KALRN: variants seen among roughly 807,000 people sequenced by gnomAD.
The protein encoded by KALRN is kalirin.
KALRN carries 70 observed loss-of-function variants against 353.7 expected under a neutral mutation model. The observed-to-expected ratio is 0.20, with a 90% confidence interval of 0.16 to 0.24. The LOEUF (loss-of-function observed/expected upper bound fraction) is 0.24. Ranked by LOEUF, KALRN falls within the 10% of genes least tolerant of loss-of-function variation. The probability of loss-of-function intolerance (pLI) is 1.00; values close to 1 mark genes in which losing one functional copy is unlikely to be tolerated. For synonymous variants in KALRN, 1,391 were observed against 1,434.8 expected, an observed-to-expected ratio of 0.97 and a Z score of 0.69; for missense variants, 2,791 against 3,756.7, an observed-to-expected ratio of 0.74 and a Z score of 6.72.
chr3:124,638,153 T>C (rs1289978677), intron 37 of KALRN, among the ~76,000 whole-genome samples: 1 of 152,206 alleles, frequency 6.6e-6, no homozygotes, highest in Non-Finnish European at 1.5e-5. Context: ...AGACTTCTAT[T>C]GGGCAGTCTT....
intron 34 of KALRN, among the ~76,000 whole-genome samples, chr3:124,609,465 A>G (rs768048381): frequency 7.2e-5 from 11 of 152,342 alleles, no homozygotes; most frequent in Middle Eastern, 3.4e-3. Context: ...AGACACACCT[A>G]TGAGTGTATA....
At chr3:124,179,625 T>A (rs72972696) in intron 1 of KALRN, among the ~76,000 whole-genome samples, 2,569 of 152,276 alleles carry the variant, frequency 0.017, 60 homozygotes, top group African/African-American at 0.057. Context: ...CAACTGGGAG[T>A]GCAGGTTTCT....
intron 19 of KALRN, among the ~76,000 whole-genome samples, chr3:124,443,456 A>G (rs1420426435): frequency 6.6e-6 from 1 of 152,192 alleles, no homozygotes; most frequent in Non-Finnish European, 1.5e-5. Flanking sequence ...AACAGAGACC[A>G]CTGGAAAGAA....
At chr3:124,419,138 A>G (rs370256774) in intron 14 of KALRN, among the ~76,000 whole-genome samples, 48 of 152,078 alleles carry the variant, frequency 3.2e-4, no homozygotes, top group African/African-American at 1.2e-3. Context: ...GTCTAACAGC[A>G]TTAAAGCCAC....
chr3:124,116,938 T>A (rs774964479), intron 1 of KALRN, among the ~76,000 whole-genome samples: 1 of 152,240 alleles, frequency 6.6e-6, no homozygotes, highest in Non-Finnish European at 1.5e-5. Context: ...GATGTTGGAC[T>A]GTTCAGTAAC....
rs1473384350 is a variant in KALRN at position 124,719,235 on chromosome 3, A to G, written c.8726A>G (p.Asn2909Ser). 6.2e-7 allele frequency: 1 copy of G among 1,614,236 alleles called. No homozygotes were observed. The highest frequency in any genetic ancestry group is 1.3e-5 in the African/African-American group (1 of 75,064). ...CATGAATACTTCTGTGGTGTGAGCA[A>G]TGCTGCCAGAGATTTCATCAATGTG... is the stretch of plus-strand genomic sequence containing the variant. ...FPHEYFCGVS[N>S]AARDFINVIL... Residue 2909 changes from asparagine to serine, a missense_variant, in exon 60 of 60, where the codon AAT becomes AGT. Around this residue, in one of 11 missense-constraint regions of KALRN, gnomAD observed 188 missense variants for 402.9 expected, o/e 0.47. Coordinates refer to ENST00000682506, the MANE Select transcript of KALRN (RefSeq NM_001388419.1). This position sits in a 1 kb window ranked among gnomAD's most constrained non-coding sequence, Gnocchi z 5.3.
At chr3:124,126,428 C>A (rs890402420) in intron 1 of KALRN, among the ~76,000 whole-genome samples, 3 of 152,150 alleles carry the variant, frequency 2.0e-5, no homozygotes, top group African/African-American at 7.2e-5. Flanking sequence ...GAGGCTTCTT[C>A]CTGCTCCCCA....
chr3:124,687,915 T>A (rs1463329199), intron 51 of KALRN, among the ~76,000 whole-genome samples: 2 of 152,054 alleles, frequency 1.3e-5, no homozygotes, highest in Non-Finnish European at 2.9e-5. Flanking sequence ...CGAAAATACT[T>A]GGGAGTAAGG....
At chr3:124,226,076 G>A (rs1045945298) in intron 1 of KALRN, among the ~76,000 whole-genome samples, 2 of 152,162 alleles carry the variant, frequency 1.3e-5, no homozygotes, top group African/African-American at 2.4e-5. Context: ...GGAAAATCAT[G>A]TATTTTGATA....
At chr3:124,038,154 G>T (rs761784073) in intron 1 of KALRN, among the ~76,000 whole-genome samples, 1 of 152,162 alleles carries the variant, frequency 6.6e-6, no homozygotes, top group Non-Finnish European at 1.5e-5. Flanking sequence ...AGTGGCAGCA[G>T]AGGAGACTTG....
chr3:124,584,583 C>T (rs545377835), intron 34 of KALRN: 2 of 1,358,262 alleles, frequency 1.5e-6, no homozygotes, highest in Admixed American at 3.3e-5. Flanking sequence ...GGTCTCCTGC[C>T]CACAGCTGGA....
At position 124,352,075 on chromosome 3, in the gene KALRN, G is replaced by A. The variant is rs73187305; in HGVS notation, c.1770+4810G>A. Among the ~76,000 whole-genome samples, 1,173 of 152,284 alleles carry A rather than the reference G, an allele frequency of 7.7e-3. 10 individuals are homozygous for A. Among genetic ancestry groups the A allele is most frequent in the Non-Finnish European group, 0.013 (912 of 68,012 alleles). ...TCAAATAGAAGTCCCGGGCACTGGC[G>A]GGAACCTCTCCTGGTCCTTAGTCAA... is the stretch of plus-strand genomic sequence containing the variant. On this transcript the variant is annotated intron_variant, in intron 10 of 59. Transcript: ENST00000682506.
intron 47 of KALRN, among the ~76,000 whole-genome samples, chr3:124,668,040 C>T (rs980283518): frequency 1.0e-4 from 11 of 106,818 alleles, no homozygotes; most frequent in East Asian, 2.7e-4. Context: ...GCCTGTATAT[C>T]GAGACACACA....
At chr3:124,321,194 G>A (rs1411911300) in intron 6 of KALRN, among the ~76,000 whole-genome samples, 1 of 152,194 alleles carries the variant, frequency 6.6e-6, no homozygotes, top group Non-Finnish European at 1.5e-5. Flanking sequence ...CTCATTCAGA[G>A]TGGGGGCCTA....
At chr3:124,451,460 T>C (rs114344056) in intron 21 of KALRN, among the ~76,000 whole-genome samples, 1,973 of 152,302 alleles carry the variant, frequency 0.013, 39 homozygotes, top group African/African-American at 0.045. Context: ...AGATGAATTA[T>C]GGTACCCAAA....
At chr3:124,339,528 A>AGTTGCAGCCGATGGG (rs1228067789) in intron 9 of KALRN, among the ~76,000 whole-genome samples, 1 of 152,170 alleles carries the variant, frequency 6.6e-6, no homozygotes, top group African/African-American at 2.4e-5. Flanking sequence ...CATGCTCTCC[A>AGTTGCAGCCGATGGG]GTTGCAGCCG....
At chr3:124,470,735 A>C (rs2060804175) in intron 25 of KALRN, among the ~76,000 whole-genome samples, 1 of 152,082 alleles carries the variant, frequency 6.6e-6, no homozygotes, top group Middle Eastern at 3.4e-3. Flanking sequence ...GCAATGTACA[A>C]CCAGGTGTGG....
rs144160219 is a variant in KALRN, at chr3:124,658,477, G to A, written c.6083G>A (p.Arg2028His). 1.6e-4 allele frequency: 261 copies of A among 1,614,124 alleles called. No individual in the cohort carries two copies. The African/African-American group carries it at 2.6e-3, about 16-fold the overall frequency. ...IYVWYCQNKP[R>H]SEYIVAEYDA... The stretch of plus-strand genomic sequence containing the variant: ...GTGTGGTATTGTCAGAATAAGCCGC[G>A]CTCAGAGTACATCGTTGCTGAGTAT... The change falls in exon 42 of 60, where the codon CGC becomes CAC. Residue 2028 changes from arginine (R) to histidine (H), a missense_variant. Coordinates refer to ENST00000682506, the MANE Select transcript of KALRN (RefSeq NM_001388419.1).
At chr3:124,303,433 G>A (rs1177830173) in intron 6 of KALRN, among the ~76,000 whole-genome samples, 1 of 152,104 alleles carries the variant, frequency 6.6e-6, no homozygotes, top group Non-Finnish European at 1.5e-5. Flanking sequence ...TGTTGTGGAA[G>A]CCTTTTGCAT....
Sources: gnomAD v4.1 joint callset for allele counts (sites outside exome capture counted in the v4.1 genomes callset) on GRCh38, gnomAD v4.1.1 for gene constraint, gnomAD v4.1.1 regional missense constraint, Gnocchi (gnomAD v3.1) non-coding constraint, MANE v1.5 for transcripts, NCBI Gene and HGNC (gene_info 2026-07-23, HGNC 2026-07-21) for gene names.